Variants in NALF1 observed in about 807,000 individuals in gnomAD.
The protein encoded by NALF1 is family with sequence similarity 155 member A.
A neutral mutation model predicts 48.4 loss-of-function variants in NALF1; 3 were observed. The ratio of observed to expected loss-of-function variants is 0.06; its 90% CI spans 0.03 to 0.16. The LOEUF is 0.16. Ranked by LOEUF, NALF1 falls within the 10% of genes least tolerant of loss-of-function variation. The pLI is 1.00. For synonymous variants in NALF1, 262 were observed against 245.7 expected (o/e 1.07, Z -0.62); for missense variants, 526 against 571.5 (o/e 0.92, Z 0.81).
intron 1 of NALF1, among the ~76,000 whole-genome samples, chr13:107,294,909 A>G (rs1269226649): frequency 6.6e-6 from 1 of 152,212 alleles, no homozygotes; most frequent in African/African-American, 2.4e-5. Flanking sequence ...CTGAAGAAAG[A>G]ATATTGGAAA....
chr13:107,236,729 CTAT>C (rs1566460178), intron 1 of NALF1, among the ~76,000 whole-genome samples: 65 of 137,276 alleles, frequency 4.7e-4, no homozygotes, highest in African/African-American at 1.7e-3. Flanking sequence ...ATCTATCTAT[CTAT>C]CTATCATCTA....
intron 2 of NALF1, among the ~76,000 whole-genome samples, chr13:107,174,449 G>T (rs969931487): frequency 6.6e-6 from 1 of 151,574 alleles, no homozygotes; most frequent in African/African-American, 2.4e-5. Context: ...TCTGCCTCCC[G>T]GGTTCAAGTG....
In NALF1 at chr13:107,713,176, G is replaced by A. The variant is rs913626046; in HGVS notation, c.915+152506C>T. The stretch of plus-strand genomic sequence containing the variant: ...GTAGCTCTCTTAAATGGATCTTTTA[G>A]TTTAATTATGTTCTTCTAAGCCCCC... On this transcript the variant is annotated intron_variant, in intron 1 of 2. Transcript: ENST00000375915. Among the ~76,000 whole-genome samples the A allele has an allele frequency of 3.3e-5, 5 of 152,152 alleles. No individual in the cohort carries two copies. In the East Asian group the frequency reaches 7.7e-4, roughly 23 times the overall value.
intron 1 of NALF1, among the ~76,000 whole-genome samples, chr13:107,361,434 G>A (rs769411644): frequency 7.9e-5 from 12 of 152,220 alleles, no homozygotes; most frequent in South Asian, 4.1e-4. Context: ...GACAGTACAC[G>A]CGGTAAAATA....
intron 1 of NALF1, among the ~76,000 whole-genome samples, chr13:107,850,759 C>T (rs947455076): frequency 6.6e-6 from 1 of 151,940 alleles, no homozygotes; most frequent in Non-Finnish European, 1.5e-5. Flanking sequence ...AAAAATTAGC[C>T]GAACGTGGTG....
At chr13:107,528,805 T>C (rs1393685803) in intron 1 of NALF1, among the ~76,000 whole-genome samples, 1 of 152,138 alleles carries the variant, frequency 6.6e-6, no homozygotes, top group Non-Finnish European at 1.5e-5. Context: ...GATTCATTAA[T>C]ACGTACAGTA....
intron 1 of NALF1, among the ~76,000 whole-genome samples, chr13:107,499,289 T>C (rs757807083): frequency 1.3e-5 from 2 of 152,192 alleles, no homozygotes; most frequent in Non-Finnish European, 2.9e-5. Context: ...CTGGAGTTGA[T>C]AAACTATTAG....
At chr13:107,775,067 A>C (rs965959187) in intron 1 of NALF1, among the ~76,000 whole-genome samples, 1 of 151,970 alleles carries the variant, frequency 6.6e-6, no homozygotes, top group Non-Finnish European at 1.5e-5. Flanking sequence ...CTTTATTTTT[A>C]ATTATACTTT....
chr13:107,309,787 G>A (rs955773086), intron 1 of NALF1, among the ~76,000 whole-genome samples: 1 of 152,152 alleles, frequency 6.6e-6, no homozygotes, highest in Admixed American at 6.5e-5. Flanking sequence ...AAAGCACATT[G>A]CTTATTTAAT....
At chr13:107,208,499 A>T (rs896019151) in intron 2 of NALF1, among the ~76,000 whole-genome samples, 6 of 152,230 alleles carry the variant, frequency 3.9e-5, no homozygotes, top group Admixed American at 3.9e-4. Context: ...AGATTCACAA[A>T]TACAGATACA....
At chr13:107,185,902 CT>C (rs1305264024) in intron 2 of NALF1, among the ~76,000 whole-genome samples, 3 of 152,192 alleles carry the variant, frequency 2.0e-5, no homozygotes, top group African/African-American at 7.2e-5. Flanking sequence ...ACAATGTCCA[CT>C]TCTTTCTGGA....
chr13:107,672,053 G>A (rs1566438126), intron 1 of NALF1, among the ~76,000 whole-genome samples: 1 of 152,104 alleles, frequency 6.6e-6, no homozygotes, highest in Non-Finnish European at 1.5e-5. Context: ...AAAAGGCTGT[G>A]AAAGCCCTAA....
intron 1 of NALF1, among the ~76,000 whole-genome samples, chr13:107,254,062 A>AAAAAAAAAAATATATATATATAT: frequency 2.2e-5 from 3 of 138,580 alleles, no homozygotes; most frequent in East Asian, 2.0e-4. Flanking sequence ...CAAGTACTAA[A>AAAAAAAAAAATATATATATATAT]ATATATATAT....
intron 1 of NALF1, among the ~76,000 whole-genome samples, chr13:107,644,759 G>A (rs1359746416): frequency 4.0e-5 from 6 of 150,932 alleles, no homozygotes; most frequent in Admixed American, 6.6e-5. Context: ...ATTTTTAAGT[G>A]TTAATGTTTA....
intron 1 of NALF1, among the ~76,000 whole-genome samples, chr13:107,577,448 G>C (rs1490890905): frequency 6.6e-6 from 1 of 151,008 alleles, no homozygotes; most frequent in East Asian, 2.0e-4. Flanking sequence ...AGGAACATAG[G>C]TTTGGGAGAG....
intron 1 of NALF1, among the ~76,000 whole-genome samples, chr13:107,669,230 T>C (rs1203515037): frequency 6.6e-6 from 1 of 152,124 alleles, no homozygotes; most frequent in African/African-American, 2.4e-5. Context: ...TGAGAAATGC[T>C]AGCCATAGCT....
chr13:107,634,382 G>A (rs910698228), intron 1 of NALF1, among the ~76,000 whole-genome samples: 6 of 152,080 alleles, frequency 3.9e-5, no homozygotes, highest in Non-Finnish European at 5.9e-5. Context: ...AGCTATGCAT[G>A]TAACAAAATT....
chr13:107,609,622 G>A (rs542692986), intron 1 of NALF1, among the ~76,000 whole-genome samples: 20 of 152,256 alleles, frequency 1.3e-4, no homozygotes, highest in African/African-American at 2.6e-4. Flanking sequence ...GTGGGTCTCC[G>A]CAAGTGACAG....
intron 1 of NALF1, among the ~76,000 whole-genome samples, chr13:107,256,024 T>G (rs2138849267): frequency 6.6e-6 from 1 of 152,266 alleles, no homozygotes; most frequent in Middle Eastern, 3.4e-3. Context: ...CAAAATATGC[T>G]TACTCACAAC....
Sources: gnomAD v4.1 joint callset for allele counts (sites outside exome capture counted in the v4.1 genomes callset) on GRCh38, gnomAD v4.1.1 for gene constraint, MANE v1.5 for transcripts, NCBI Gene and HGNC (gene_info 2026-07-23, HGNC 2026-07-21) for gene names.